SBK1: variants seen among roughly 807,000 people sequenced by gnomAD.
SBK1 encodes SH3 domain binding kinase 1, also known as serine/threonine-protein kinase SBK1.
A neutral mutation model predicts 24.4 loss-of-function variants in SBK1; 11 were observed. That is an observed-to-expected ratio of 0.45 (90% CI 0.28 to 0.75). The LOEUF is 0.75. SBK1 is among the 30% of genes least tolerant of loss of function. The probability of loss-of-function intolerance (pLI) is 0.12; values close to 1 mark genes in which losing one functional copy is unlikely to be tolerated. For synonymous variants in SBK1, 308 were observed against 284.4 expected, an observed-to-expected ratio of 1.08 and a Z score of -0.83; for missense variants, 467 against 620.5, an observed-to-expected ratio of 0.75 and a Z score of 2.63.
At position 28,259,568 on chromosome 16, in the gene SBK1, G is replaced by A. The variant is rs2044384259; in HGVS notation, c.257+66G>A. On this transcript the variant is annotated intron_variant, in intron 1 of 3. Transcript: ENST00000671413. This position sits in a 1 kb window ranked among gnomAD's most constrained non-coding sequence, Gnocchi z 6.0. ...GCACAGCGCTCGACCCAGGGTGCCTGTGGGCCTGGCAGTCTTGCTTCAAGT... is the reference window on the plus strand; with the variant it reads ...GCACAGCGCTCGACCCAGGGTGCCTATGGGCCTGGCAGTCTTGCTTCAAGT... 1 of 403,202 alleles carries A rather than the reference G, an allele frequency of 2.5e-6. No homozygotes were observed. The highest frequency in any genetic ancestry group is 2.2e-5 in the African/African-American group (1 of 46,218). 25.0% of individuals were successfully genotyped at this position (403,202 alleles called of 1,614,324 possible). A position where few individuals can be genotyped will look rare whatever the true frequency, so the allele number is the denominator to read the frequency against.
At chr16:28,290,809 G>A (rs2044593985), upstream of SBK1, 1 of 152,234 alleles carries the variant, frequency 6.6e-6, no homozygotes, top group Non-Finnish European at 1.5e-5. Flanking sequence ...TATTCTCAAT[G>A]GTAGAGGTTG....
rs1056511870 is a variant in SBK1, at chr16:28,265,798, A to C, written c.257+6296A>C. On this transcript the variant is annotated intron_variant, in intron 1 of 3. Transcript: ENST00000671413. ...AGACCAGCCTGGCCAACATGATGAA[A>C]CCCTATCTCTACTAAAAATACAAAA... Among the ~76,000 whole-genome samples, 34 of 151,498 alleles carry C rather than the reference A, an allele frequency of 2.2e-4. 1 individual carries two copies. The highest frequency in any genetic ancestry group is 1.4e-3 in the Admixed American group (21 of 15,174).
At chr16:28,299,600 G>C (rs1338252869) in intron 1 of SBK1, among the ~76,000 whole-genome samples, 1 of 152,102 alleles carries the variant, frequency 6.6e-6, no homozygotes, top group Non-Finnish European at 1.5e-5. Context: ...ACTTGCCCCA[G>C]GCCTCCCCGA....
In SBK1 at chr16:28,259,293, G is replaced by A. The variant is rs922956518; in HGVS notation, c.48G>A (p.Gly16=). The change falls in exon 1 of 4, where the codon GGG becomes GGA. Residue 16 remains glycine, a synonymous_variant. Coordinates refer to the SBK1 transcript ENST00000671413. This position sits in a 1 kb window ranked among gnomAD's most constrained non-coding sequence, Gnocchi z 6.0. Reference sequence around the variant, plus strand: ...AAGTGCAGAGCCCTGAAGCCGACGGGCTGCTGACCCTGGAGCGCCCTGGCT... The same window carrying A: ...AAGTGCAGAGCCCTGAAGCCGACGGACTGCTGACCCTGGAGCGCCCTGGCT... The A allele has an allele frequency of 2.2e-5, 4 of 178,100 alleles. No homozygotes were observed. Among genetic ancestry groups the A allele is most frequent in the Non-Finnish European group, 4.4e-5 (4 of 91,768 alleles). The allele number at this position is 178,100 out of a possible 1,614,324, so 11.0% of individuals were successfully genotyped here. A position where few individuals can be genotyped will look rare whatever the true frequency, so the allele number is the denominator to read the frequency against.
chr16:28,273,911 A>G (rs1055925979), intron 1 of SBK1, among the ~76,000 whole-genome samples: 2 of 152,366 alleles, frequency 1.3e-5, no homozygotes, highest in East Asian at 1.9e-4. Context: ...CAAGCCACCC[A>G]AAAGACACAG....
At chr16:28,296,583 T>C (rs971335996) in intron 1 of SBK1, among the ~76,000 whole-genome samples, 2 of 152,180 alleles carry the variant, frequency 1.3e-5, no homozygotes, top group African/African-American at 2.4e-5. Context: ...TCTGCACTCA[T>C]GGGTGTTCCC....
intron 1 of SBK1, among the ~76,000 whole-genome samples, chr16:28,261,381 G>A (rs901482445): frequency 1.3e-5 from 2 of 151,744 alleles, no homozygotes; most frequent in African/African-American, 4.8e-5. Flanking sequence ...GATCGCTTGA[G>A]CTCAGGAGTT....
chr16:28,317,642 C>A lies in SBK1; in HGVS notation c.226+25C>A, dbSNP rs766467320. On this transcript the variant is annotated intron_variant, in intron 2 of 3. Transcript: ENST00000341901. The surrounding 1 kb of genome is among the most constrained non-coding windows in gnomAD (Gnocchi z 4.2). ...GGTGAACAAGTGCAGGGTGGCAGGG[C>A]TGAGAGGTTGGGGTGGGGCAGGGCT... The A allele has an allele frequency of 3.1e-5, 44 of 1,429,476 alleles. No homozygotes were observed. Among genetic ancestry groups the A allele is most frequent in the Non-Finnish European group, 4.2e-5 (43 of 1,016,558 alleles). 88.5% of individuals were successfully genotyped at this position (1,429,476 alleles called of 1,614,324 possible). A position where few individuals can be genotyped will look rare whatever the true frequency, so the allele number is the denominator to read the frequency against.
chr16:28,258,938 G>A (rs145601964), upstream of SBK1: 163 of 152,942 alleles, frequency 1.1e-3, 3 homozygotes, highest in East Asian at 0.027. Context: ...GCTGGACCAG[G>A]AGGAGCAGAC....
In SBK1 at chr16:28,292,628, G is replaced by T. The variant is rs1318179191; in HGVS notation, c.-680G>T. ...AGCCGGAGCCCGGGCCAGGCCGGGG[G>T]CCGGGAGCGCAGGGCCGGGCTGCTC... On this transcript the variant is annotated 5_prime_UTR_variant, in exon 1 of 4. Coordinates refer to ENST00000341901, the MANE Select transcript of SBK1 (RefSeq NM_001024401.3). The T allele has an allele frequency of 3.1e-6, 3 of 982,724 alleles. No individual in the cohort carries two copies. Among genetic ancestry groups the T allele is most frequent in the South Asian group, 4.7e-5 (1 of 21,296 alleles). The allele number at this position is 982,724 out of a possible 1,614,324, so 60.9% of individuals were successfully genotyped here.
intron 1 of SBK1, among the ~76,000 whole-genome samples, chr16:28,284,136 C>T (rs2044550627): frequency 6.6e-6 from 1 of 152,238 alleles, no homozygotes; most frequent in South Asian, 2.1e-4. Flanking sequence ...CTGTCTCACC[C>T]ACCGACCCAC....
intron 1 of SBK1, among the ~76,000 whole-genome samples, chr16:28,282,531 C>T (rs1261940790): frequency 6.6e-6 from 1 of 152,178 alleles, no homozygotes; most frequent in Non-Finnish European, 1.5e-5. Flanking sequence ...CAGTGTCTCC[C>T]TCACTAGTCT....
intron 1 of SBK1, among the ~76,000 whole-genome samples, chr16:28,310,712 A>G (rs1015320898): frequency 1.3e-5 from 2 of 152,028 alleles, no homozygotes; most frequent in African/African-American, 4.8e-5. Flanking sequence ...AATAATGCCT[A>G]CCTTGTATTT....
rs1324490634 is a variant in SBK1, at chr16:28,293,803, G to C, written c.-8+503G>C. On this transcript the variant is annotated intron_variant, in intron 1 of 3. Transcript: ENST00000341901. ...TTGTCTGTGAGAGTGCGGGGAAGGGGTGTGTTTGAGCGGATGAATGGGAAT... is the reference window on the plus strand; with the variant it reads ...TTGTCTGTGAGAGTGCGGGGAAGGGCTGTGTTTGAGCGGATGAATGGGAAT... 1.2e-4 allele frequency among the ~76,000 whole-genome samples: 18 copies of C among 152,216 alleles called. No individual in the cohort carries two copies. The East Asian group carries it at 3.5e-3, about 29-fold the overall frequency.
chr16:28,315,555 G>C (rs1324644491), intron 1 of SBK1, among the ~76,000 whole-genome samples: 1 of 152,126 alleles, frequency 6.6e-6, no homozygotes, highest in Non-Finnish European at 1.5e-5. Flanking sequence ...GATCTCAGGA[G>C]TTCGAGACCA....
chr16:28,268,633 C>T (rs374622939), intron 1 of SBK1, among the ~76,000 whole-genome samples: 9 of 151,840 alleles, frequency 5.9e-5, no homozygotes, highest in Non-Finnish European at 7.4e-5. Context: ...CATGGTGGCA[C>T]GTGCCTGTAG....
upstream of SBK1, chr16:28,290,712 G>A (rs1331189916): frequency 2.0e-5 from 3 of 150,368 alleles, no homozygotes; most frequent in Non-Finnish European, 2.9e-5. Context: ...GAAAAAGAAA[G>A]AAAGGAGAAG....
rs1355085866 is a variant in SBK1, at chr16:28,322,811, TCTC to T, written c.*1893_*1895del. On this transcript the variant is annotated 3_prime_UTR_variant, in exon 4 of 4. Coordinates refer to ENST00000341901, the MANE Select transcript of SBK1 (RefSeq NM_001024401.3). Reference sequence around the variant, plus strand: ...GGGGCTGCCTCTCCCAGCCGCGACTTCTCCTTTTGCCTTAGGCCTCGCGACATC... The same window carrying T: ...GGGGCTGCCTCTCCCAGCCGCGACTTCTTTTGCCTTAGGCCTCGCGACATC... 3 of 152,456 alleles carry T rather than the reference TCTC, an allele frequency of 2.0e-5. No individual in the cohort carries two copies. Among genetic ancestry groups the T allele is most frequent in the Non-Finnish European group, 4.4e-5 (3 of 68,032 alleles). The allele number at this position is 152,456 out of a possible 1,614,324, so 9.4% of individuals were successfully genotyped here.
At chr16:28,308,920 G>A (rs1170417022) in intron 1 of SBK1, among the ~76,000 whole-genome samples, 1 of 152,062 alleles carries the variant, frequency 6.6e-6, no homozygotes, top group Non-Finnish European at 1.5e-5. Flanking sequence ...AAAGTGGTGG[G>A]ACTACAGGTG....
Sources: allele counts gnomAD v4.1 joint callset (sites outside exome capture counted in the v4.1 genomes callset), GRCh38; gene constraint gnomAD v4.1.1; non-coding constraint Gnocchi (gnomAD v3.1); transcripts MANE v1.5; gene names NCBI Gene and HGNC (gene_info 2026-07-23, HGNC 2026-07-21).